The following MIGA2 variants were observed in gnomAD, a reference collection of about 807,000 sequenced individuals.
MIGA2 encodes the protein mitoguardin 2, also known as family with sequence similarity 73, member B.
Under a neutral mutation model 69.9 loss-of-function variants are expected in MIGA2, and 36 were observed. The ratio of observed to expected loss-of-function variants is 0.52; its 90% CI spans 0.39 to 0.68. The LOEUF is 0.68. MIGA2 is among the 30% of genes least tolerant of loss of function. The probability of loss-of-function intolerance (pLI) is 0.00; values close to 1 mark genes in which losing one functional copy is unlikely to be tolerated. For missense variants in MIGA2, 660 were observed against 787.7 expected (o/e 0.84, Z 1.94); for synonymous variants, 333 against 349.2 (o/e 0.95, Z 0.52).
chr9:129,067,135 CAAAA>C (rs774512522), intron 11 of MIGA2, among the ~76,000 whole-genome samples: 6 of 52,008 alleles, frequency 1.2e-4, no homozygotes, highest in African/African-American at 3.0e-4. Flanking sequence ...GACTCCATCT[CAAAA>C]AAAAAAAAAA....
intron 3 of MIGA2, among the ~76,000 whole-genome samples, chr9:129,047,410 C>T (rs562815241): frequency 5.1e-4 from 77 of 150,726 alleles, no homozygotes; most frequent in Non-Finnish European, 9.4e-4. Flanking sequence ...ACCTTTGGTG[C>T]ATTTCATTAA....
intron 3 of MIGA2, among the ~76,000 whole-genome samples, chr9:129,046,847 C>T (rs1158194038): frequency 6.6e-6 from 1 of 151,446 alleles, no homozygotes; most frequent in Non-Finnish European, 1.5e-5. Flanking sequence ...GGCACAATTT[C>T]AGCTCATTGC....
intron 6 of MIGA2, among the ~76,000 whole-genome samples, chr9:129,053,539 G>A (rs1277597994): frequency 2.0e-5 from 3 of 151,704 alleles, no homozygotes; most frequent in Non-Finnish European, 2.9e-5. Context: ...AATTTTTTTT[G>A]TATTTTTAGT....
At chr9:129,055,578 C>T (rs576421627) in intron 6 of MIGA2, among the ~76,000 whole-genome samples, 51 of 152,184 alleles carry the variant, frequency 3.4e-4, no homozygotes, top group African/African-American at 1.1e-3. Context: ...GGGCCTCGCG[C>T]GGTGGCTCAC....
rs1008524166 is a variant in MIGA2, at chr9:129,061,299, G to T, written c.963G>T (p.Glu321Asp). 1 of 1,613,188 alleles carries T rather than the reference G, an allele frequency of 6.2e-7. No homozygotes were observed. Among genetic ancestry groups the T allele is most frequent in the African/African-American group, 1.3e-5 (1 of 75,050 alleles). Residue 321 changes from glutamate to aspartate, a missense_variant, in exon 9 of 16, where the codon GAG becomes GAT. Around this residue, in one of 3 missense-constraint regions of MIGA2, gnomAD observed 386 missense variants for 402.0 expected, o/e 0.96. Coordinates refer to ENST00000684074, the MANE Select transcript of MIGA2 (RefSeq NM_001329990.2). This position sits in a 1 kb window ranked among gnomAD's most constrained non-coding sequence, Gnocchi z 5.0. ...CCAGACCCGCCGCTGCCTATGAGGA[G>T]GCCCTGCAGCTGGTGAAGGAGGGGA... ...PLSRPAAAYEEALQLVKEGRV... is the reference protein window; with the variant it reads ...PLSRPAAAYEDALQLVKEGRV...
chr9:129,069,127 A>G lies in MIGA2; in HGVS notation c.1456A>G (p.Met486Val). ...SVLKAKRRLL[M>V]VPDGFISHFY... ...CCTGAAAGCCAAGAGGAGGCTGCTG[A>G]TGGTGAGTGACTGGCAGGCCCGGGG... Residue 486 changes from methionine to valine, a missense_variant and splice_region_variant, in exon 14 of 16, where the codon ATG becomes GTG. Around this residue, in one of 3 missense-constraint regions of MIGA2, gnomAD observed 220 missense variants for 301.7 expected, o/e 0.73. Transcript: ENST00000684074. This position sits in a 1 kb window ranked among gnomAD's most constrained non-coding sequence, Gnocchi z 4.9. 1 of 1,613,922 alleles carries G rather than the reference A, an allele frequency of 6.2e-7. No homozygotes were observed. The highest frequency in any genetic ancestry group is 2.2e-5 in the East Asian group (1 of 44,872).
intron 2 of MIGA2, among the ~76,000 whole-genome samples, chr9:129,041,582 A>C (rs938735139): frequency 1.3e-5 from 2 of 152,082 alleles, no homozygotes; most frequent in African/African-American, 4.8e-5. Flanking sequence ...CCATCCACCT[A>C]CCTTGGCCTC....
At chr9:129,052,026 C>T (rs1412081500) in intron 6 of MIGA2, among the ~76,000 whole-genome samples, 1 of 152,070 alleles carries the variant, frequency 6.6e-6, no homozygotes, top group African/African-American at 2.4e-5. Context: ...CAGGGTTTCA[C>T]TGTGTTAGCC....
At chr9:129,066,140 C>T (rs777204669) in intron 11 of MIGA2, among the ~76,000 whole-genome samples, 2 of 152,140 alleles carry the variant, frequency 1.3e-5, no homozygotes, top group African/African-American at 2.4e-5. Flanking sequence ...TTCTGCTTGG[C>T]GGATGAGGAC....
chr9:129,068,063 G>A lies in MIGA2; in HGVS notation c.1270-135G>A, dbSNP rs753019369. The A allele has an allele frequency of 5.1e-5, 70 of 1,376,002 alleles. No homozygotes were observed. The highest frequency in any genetic ancestry group is 7.1e-5 in the Non-Finnish European group (69 of 974,450). 85.2% of individuals were successfully genotyped at this position (1,376,002 alleles called of 1,614,324 possible). A position where few individuals can be genotyped will look rare whatever the true frequency, so the allele number is the denominator to read the frequency against. On this transcript the variant is annotated intron_variant, in intron 12 of 15. Transcript: ENST00000684074. This position sits in a 1 kb window ranked among gnomAD's most constrained non-coding sequence, Gnocchi z 4.1. ...TGGCCTCAGCTACACCCGTTGCACA[G>A]CAGAGCGGGAAAGACGTGTCCCCCC...
chr9:129,059,997 G>T lies in MIGA2; in HGVS notation c.794-553G>T, dbSNP rs1372004652. Among the ~76,000 whole-genome samples the T allele has an allele frequency of 6.6e-6, 1 of 152,146 alleles. No individual in the cohort carries two copies. The highest frequency in any genetic ancestry group is 1.5e-5 in the Non-Finnish European group (1 of 68,002). On this transcript the variant is annotated intron_variant, in intron 7 of 15. Transcript: ENST00000684074. The surrounding 1 kb of genome is among the most constrained non-coding windows in gnomAD (Gnocchi z 5.6). ...CCCTACATGGCAGAAAGGGCTGGGG[G>T]ACCTTTAGGGTGGCCCGCCGCAGGT...
chr9:129,048,404 G>C, intron 3 of MIGA2, 23 bp from the exon 4 acceptor site: 1 of 1,599,730 alleles, frequency 6.3e-7, no homozygotes. Context: ...CCTGTGTGAC[G>C]CCTGCCCTTC....
rs1229874963 is a variant in MIGA2 at position 129,059,160 on chromosome 9, T to C, written c.682T>C (p.Ser228Pro). The C allele has an allele frequency of 6.2e-7, 1 of 1,612,892 alleles. No individual in the cohort carries two copies. Among genetic ancestry groups the C allele is most frequent in the Non-Finnish European group, 8.5e-7 (1 of 1,179,304 alleles). The change falls in exon 7 of 16, where the codon TCA becomes CCA. Residue 228 changes from serine to proline, a missense_variant. By Grantham distance (74) the Ser-to-Pro change is moderately conservative. Coordinates refer to ENST00000684074, the MANE Select transcript of MIGA2 (RefSeq NM_001329990.2). The surrounding 1 kb of genome is among the most constrained non-coding windows in gnomAD (Gnocchi z 5.6). The part of the protein sequence containing the change: ...TASEPLSEPE[S>P]QRKEFAEKLE... ...GTCCTTGTTTTTATGGCAGCCAGAG[T>C]CACAGCGGAAGGAGTTTGCAGAGAA... is the stretch of plus-strand genomic sequence containing the variant.
Position 129,063,640 on chromosome 9 carries a change from G to T in MIGA2, c.1170+9G>T. 1 of 1,560,318 alleles carries T rather than the reference G, an allele frequency of 6.4e-7. No individual in the cohort carries two copies. Among genetic ancestry groups the T allele is most frequent in the South Asian group, 1.1e-5 (1 of 90,038 alleles). ...TGACCAAGGCTGAGAAGGTAGCAGG[G>T]GGTGGGGTGGGGGGGCAAATTATAA... On this transcript the variant is annotated intron_variant, in intron 11 of 15. Transcript: ENST00000684074.
chr9:129,063,547 G>T lies in MIGA2; in HGVS notation c.1086G>T (p.Gly362=). The T allele has an allele frequency of 6.2e-7, 1 of 1,612,894 alleles. No individual in the cohort carries two copies. The highest frequency in any genetic ancestry group is 8.5e-7 in the Non-Finnish European group (1 of 1,179,528). ...CCCCTCCCTTCCTCCTTCCCTAGGGGCTTCTGGAAGACAAGAGTAACCAGC... is the reference window on the plus strand; with the variant it reads ...CCCCTCCCTTCCTCCTTCCCTAGGGTCTTCTGGAAGACAAGAGTAACCAGC... ...KLHCVRQAFE[G]LLEDKSNQLF... is the part of the protein sequence containing the mutation. Residue 362 remains glycine (G), a splice_region_variant and synonymous_variant, in exon 11 of 16, where the codon GGG becomes GGT. Coordinates refer to ENST00000684074, the MANE Select transcript of MIGA2 (RefSeq NM_001329990.2).
At chr9:129,039,496 C>T (rs975863295) in intron 1 of MIGA2, among the ~76,000 whole-genome samples, 1 of 152,058 alleles carries the variant, frequency 6.6e-6, no homozygotes, top group Admixed American at 6.5e-5. Flanking sequence ...CCTCCCTCCT[C>T]GGCCTCCCAA....
chr9:129,060,531 C>T lies in MIGA2; in HGVS notation c.794-19C>T. On this transcript the variant is annotated intron_variant, in intron 7 of 15. Coordinates refer to ENST00000684074, the MANE Select transcript of MIGA2 (RefSeq NM_001329990.2). This position sits in a 1 kb window ranked among gnomAD's most constrained non-coding sequence, Gnocchi z 4.8. ...GTGTGGGGAGTCTCAGCCCCGCTTT[C>T]TCTCACTGCTCTTCCCAGAGAGGAC... The T allele has an allele frequency of 6.4e-7, 1 of 1,570,686 alleles. No homozygotes were observed. Among genetic ancestry groups the T allele is most frequent in the South Asian group, 1.2e-5 (1 of 86,010 alleles).
chr9:129,068,747 C>G lies in MIGA2; in HGVS notation c.1405-329C>G. 2.3e-6 allele frequency: 1 copy of G among 441,044 alleles called. No homozygotes were observed. Among genetic ancestry groups the G allele is most frequent in the Non-Finnish European group, 4.1e-6 (1 of 241,048 alleles). The allele number at this position is 441,044 out of a possible 1,614,324, so 27.3% of individuals were successfully genotyped here. On this transcript the variant is annotated intron_variant, in intron 13 of 15. Transcript: ENST00000684074. This position sits in a 1 kb window ranked among gnomAD's most constrained non-coding sequence, Gnocchi z 4.1. ...CAGCAGCCGGGCTGTGCTGCCTGGG[C>G]CCAGGCTTCTGCGAGGTGGTTTACA...
Position 129,069,455 on chromosome 9 carries a change from C to T in MIGA2, c.1458+326C>T. On this transcript the variant is annotated intron_variant, in intron 14 of 15. Coordinates refer to ENST00000684074, the MANE Select transcript of MIGA2 (RefSeq NM_001329990.2). The surrounding 1 kb of genome is among the most constrained non-coding windows in gnomAD (Gnocchi z 4.9). ...TACCCAGGAGCAAGCAGAGCCCTGTCCCTCCTGCCCTTTCCCCGCCCCAGT... is the reference window on the plus strand; with the variant it reads ...TACCCAGGAGCAAGCAGAGCCCTGTTCCTCCTGCCCTTTCCCCGCCCCAGT... 1.9e-6 allele frequency: 1 copy of T among 526,414 alleles called. No homozygotes were observed. The highest frequency in any genetic ancestry group is 3.4e-6 in the Non-Finnish European group (1 of 291,086). 32.6% of individuals were successfully genotyped at this position (526,414 alleles called of 1,614,324 possible). A position where few individuals can be genotyped will look rare whatever the true frequency, so the allele number is the denominator to read the frequency against.
Sources: allele counts gnomAD v4.1 joint callset (sites outside exome capture counted in the v4.1 genomes callset), GRCh38; gene constraint gnomAD v4.1.1; regional missense constraint gnomAD v4.1.1; non-coding constraint Gnocchi (gnomAD v3.1); transcripts MANE v1.5; gene names NCBI Gene and HGNC (gene_info 2026-07-23, HGNC 2026-07-21).